The following SPIDR variants were observed in gnomAD, a reference collection of about 807,000 sequenced individuals.
SPIDR encodes the protein scaffold protein involved in DNA repair.
A neutral mutation model predicts 104.6 loss-of-function variants in SPIDR; 93 were observed. That is an observed-to-expected ratio of 0.89 (90% CI 0.75 to 1.06). SPIDR has a LOEUF of 1.06. Among genes scored for constraint, SPIDR ranks in the 50% least tolerant of loss-of-function variants. The pLI, the probability that SPIDR is intolerant of heterozygous loss-of-function variation, is 0.00. For missense variants in SPIDR, 1,154 were observed against 1,111.2 expected (o/e 1.04, Z -0.55); for synonymous variants, 431 against 416.9 (o/e 1.03, Z -0.41).
intron 8 of SPIDR, among the ~76,000 whole-genome samples, chr8:47,502,972 T>C (rs939382769): frequency 6.6e-6 from 1 of 152,242 alleles, no homozygotes; most frequent in Non-Finnish European, 1.5e-5. Flanking sequence ...AATCCTGAGT[T>C]CTAGTTTGAT....
At chr8:47,405,151 C>T (rs72646317) in intron 6 of SPIDR, among the ~76,000 whole-genome samples, 6,388 of 151,810 alleles carry the variant, frequency 0.042, 185 homozygotes, top group Middle Eastern at 0.071. Flanking sequence ...AGGAGTTGAA[C>T]GGTGAGATCA....
intron 7 of SPIDR, among the ~76,000 whole-genome samples, chr8:47,430,113 C>G (rs2067101300): frequency 6.6e-6 from 1 of 152,192 alleles, no homozygotes; most frequent in Admixed American, 6.5e-5. Flanking sequence ...CTTCCCAGCA[C>G]TGGTGCTCCC....
chr8:47,511,106 C>T (rs533377121), intron 8 of SPIDR: 5 of 1,451,622 alleles, frequency 3.4e-6, no homozygotes, highest in Non-Finnish European at 4.8e-6. Flanking sequence ...TCAGCCAGCT[C>T]TTTGTTTGGG....
At chr8:47,584,948 A>G (rs927853382) in intron 8 of SPIDR, among the ~76,000 whole-genome samples, 14 of 152,178 alleles carry the variant, frequency 9.2e-5, no homozygotes, top group Middle Eastern at 3.4e-3. Flanking sequence ...TACCATACCT[A>G]TCGGCTATTG....
intron 14 of SPIDR, among the ~76,000 whole-genome samples, chr8:47,711,658 A>T (rs1167614182): frequency 6.6e-6 from 1 of 152,184 alleles, no homozygotes; most frequent in East Asian, 1.9e-4. Flanking sequence ...ATACACACAC[A>T]ACTATATCTA....
At chr8:47,356,324 G>A (rs574920669) in intron 5 of SPIDR, among the ~76,000 whole-genome samples, 1 of 152,314 alleles carries the variant, frequency 6.6e-6, no homozygotes, top group East Asian at 1.9e-4. Flanking sequence ...ATAAAGTTAA[G>A]GGATCAGAGT....
intron 1 of SPIDR, among the ~76,000 whole-genome samples, chr8:47,264,589 A>G (rs115453270): frequency 3.1e-4 from 46 of 150,756 alleles, no homozygotes; most frequent in African/African-American, 1.1e-3. Flanking sequence ...AAGGACGACC[A>G]CATATACTCC....
intron 10 of SPIDR, among the ~76,000 whole-genome samples, chr8:47,654,792 T>C (rs1460251570): frequency 1.3e-5 from 2 of 152,136 alleles, no homozygotes; most frequent in Admixed American, 6.5e-5. Flanking sequence ...TTGTTACATA[T>C]GTATACACGT....
intron 11 of SPIDR, among the ~76,000 whole-genome samples, chr8:47,692,982 A>G (rs1413400990): frequency 1.3e-5 from 2 of 152,220 alleles, no homozygotes; most frequent in African/African-American, 4.8e-5. Context: ...TTCCAGAGCG[A>G]TGGCCTCATT....
At chr8:47,653,884 T>C (rs1266833208) in intron 10 of SPIDR, 1 of 797,856 alleles carries the variant, frequency 1.3e-6, no homozygotes, top group Non-Finnish European at 1.5e-6. Flanking sequence ...CCACTTTTAA[T>C]GCAAAGGAAA....
chr8:47,728,860 A>C, intron 17 of SPIDR, 73 bp from the exon 18 acceptor site: 2 of 1,516,420 alleles, frequency 1.3e-6, no homozygotes, highest in Non-Finnish European at 1.8e-6. Context: ...TGTTTAAGAA[A>C]ATGTCTCCCA....
At chr8:47,269,463 G>T (rs1344592129) in intron 1 of SPIDR, among the ~76,000 whole-genome samples, 1 of 151,250 alleles carries the variant, frequency 6.6e-6, no homozygotes, top group Non-Finnish European at 1.5e-5. Context: ...TCACCATGTT[G>T]GCCGGGCTGG....
chr8:47,426,695 G>A (rs1367605310), intron 7 of SPIDR, among the ~76,000 whole-genome samples: 1 of 152,204 alleles, frequency 6.6e-6, no homozygotes, highest in African/African-American at 2.4e-5. Context: ...CCTGGAGGCT[G>A]GGAAGCCTAA....
At chr8:47,491,619 T>C (rs2078725987) in intron 8 of SPIDR, among the ~76,000 whole-genome samples, 2 of 152,046 alleles carry the variant, frequency 1.3e-5, no homozygotes, top group Admixed American at 6.6e-5. Context: ...ACAGTAAACG[T>C]GCTGAGGGCC....
chr8:47,664,178 A>T (rs2074544712), intron 10 of SPIDR, among the ~76,000 whole-genome samples: 1 of 152,042 alleles, frequency 6.6e-6, no homozygotes, highest in South Asian at 2.1e-4. Context: ...CTTCATGGCC[A>T]GCCTCCAGCA....
At chr8:47,604,664 G>C (rs2062725869) in intron 10 of SPIDR, among the ~76,000 whole-genome samples, 1 of 152,186 alleles carries the variant, frequency 6.6e-6, no homozygotes. Context: ...AAGTAGAAGG[G>C]AATGTTCAGA....
intron 8 of SPIDR, among the ~76,000 whole-genome samples, chr8:47,503,727 C>T (rs1212497365): frequency 1.3e-5 from 2 of 152,004 alleles, no homozygotes; most frequent in Admixed American, 1.3e-4. Flanking sequence ...TTCTTCCTAC[C>T]ATCTATAGTC....
chr8:47,513,041 G>T (rs969636975), intron 8 of SPIDR, among the ~76,000 whole-genome samples: 1 of 152,178 alleles, frequency 6.6e-6, no homozygotes, highest in Non-Finnish European at 1.5e-5. Flanking sequence ...CTGTTTTAAG[G>T]TCTGTTAATA....
intron 10 of SPIDR, among the ~76,000 whole-genome samples, chr8:47,637,765 G>A (rs1466092345): frequency 6.6e-6 from 1 of 152,144 alleles, no homozygotes; most frequent in African/African-American, 2.4e-5. Context: ...CCCTGAGGTA[G>A]TACTTGTCAG....
Sources: gnomAD v4.1 joint callset for allele counts (sites outside exome capture counted in the v4.1 genomes callset) on GRCh38, gnomAD v4.1.1 for gene constraint, MANE v1.5 for transcripts, NCBI Gene and HGNC (gene_info 2026-07-23, HGNC 2026-07-21) for gene names.